Variants in GBP7 observed in about 807,000 individuals in gnomAD.
The protein encoded by GBP7 is guanylate binding protein 7.
In GBP7, 43 loss-of-function variants were observed where a neutral mutation model predicts 61.3. That is an observed-to-expected ratio of 0.70 (90% CI 0.55 to 0.91). The LOEUF is 0.91. Among genes scored for constraint, GBP7 ranks in the 40% least tolerant of loss-of-function variants. GBP7 has a pLI of 0.00. For missense variants in GBP7, 717 were observed against 740.5 expected, an observed-to-expected ratio of 0.97 and a Z score of 0.37; for synonymous variants, 267 against 271.0, an observed-to-expected ratio of 0.99 and a Z score of 0.14.
intron 2 of GBP7, among the ~76,000 whole-genome samples, chr1:89,168,312 C>T (rs984320709): frequency 3.3e-5 from 5 of 152,144 alleles, no homozygotes; most frequent in South Asian, 2.1e-4. Flanking sequence ...TTTTTAACCC[C>T]TTTGTGCTTT....
rs746238767 is a variant in GBP7, at chr1:89,132,213, C to G, written c.1853G>C (p.Gly618Ala). ...ACATAATGAGCTAAGAATTTTCATT[C>G]CTAAATCAACTAGCTTAGCAGCCCC... ...LPGAAKLVDL[G>A]MKILSSLCNR... Residue 618 changes from glycine to alanine, a missense_variant, in exon 11 of 11, where the codon GGA becomes GCA. Coordinates refer to ENST00000294671, the MANE Select transcript of GBP7 (RefSeq NM_207398.3). 9 of 1,613,252 alleles carry G rather than the reference C, an allele frequency of 5.6e-6. No individual in the cohort carries two copies. The highest frequency in any genetic ancestry group is 1.3e-5 in the African/African-American group (1 of 75,038).
intron 3 of GBP7, among the ~76,000 whole-genome samples, chr1:89,164,390 C>T (rs1268805939): frequency 5.9e-5 from 9 of 152,176 alleles, no homozygotes; most frequent in Admixed American, 5.2e-4. Flanking sequence ...ATGTTGTCTT[C>T]GCCACTAGGC....
At chr1:89,172,093 G>C (rs1647619342) in intron 1 of GBP7, 139 bp from the exon 2 acceptor site, 3 of 611,936 alleles carry the variant, frequency 4.9e-6, no homozygotes, top group South Asian at 4.4e-5. Context: ...GCCCTTTAAG[G>C]CTGTCCTATA....
rs1681683242 is a variant in GBP7, at chr1:89,131,812, A to T, written c.*337T>A. On this transcript the variant is annotated 3_prime_UTR_variant, in exon 11 of 11. Transcript: ENST00000294671. ...ATTATCATATTTTTGCCTGTTTAAA[A>T]TATGTGGCGTTACTCTCTTCTCACT... The T allele has an allele frequency of 5.9e-6, 1 of 170,164 alleles. No homozygotes were observed. Among genetic ancestry groups the T allele is most frequent in the African/African-American group, 2.4e-5 (1 of 42,142 alleles). 10.5% of individuals were successfully genotyped at this position (170,164 alleles called of 1,614,324 possible).
intron 3 of GBP7, among the ~76,000 whole-genome samples, chr1:89,162,126 G>C (rs1647292687): frequency 6.7e-6 from 1 of 150,006 alleles, no homozygotes; most frequent in Non-Finnish European, 1.5e-5. Context: ...CTGTTCCATT[G>C]GTCTATGTGT....
rs1297555536 is a variant in GBP7 at position 89,134,621 on chromosome 1, C to T, written c.1469-1170G>A. Among the ~76,000 whole-genome samples, 6 of 120,162 alleles carry T rather than the reference C, an allele frequency of 5.0e-5. No homozygotes were observed. The South Asian group carries it at 1.6e-3, about 32-fold the overall frequency. The allele number at this position is 120,162 out of a possible 152,430, so 78.8% of individuals were successfully genotyped here. A position where few individuals can be genotyped will look rare whatever the true frequency, so the allele number is the denominator to read the frequency against. On this transcript the variant is annotated intron_variant, in intron 9 of 10. Coordinates refer to ENST00000294671, the MANE Select transcript of GBP7 (RefSeq NM_207398.3). ...ATCATCCAGAAAAAAAAAAAAAAAA[C>T]CCAGTCAGATGAACCCAACTTATAC...
chr1:89,137,726 C>A (rs1018440713), intron 9 of GBP7, among the ~76,000 whole-genome samples: 2 of 152,046 alleles, frequency 1.3e-5, no homozygotes, highest in African/African-American at 2.4e-5. Flanking sequence ...AAACATTTCA[C>A]TTGAGAACCA....
intron 3 of GBP7, 121 bp downstream of exon 3, chr1:89,164,610 T>C (rs1647366794): frequency 9.9e-7 from 1 of 1,006,084 alleles, no homozygotes. Context: ...AAATTTAGCT[T>C]TGTTTCCCAT....
At position 89,137,750 on chromosome 1, in the gene GBP7, A is replaced by T. The variant is rs376480483; in HGVS notation, c.1468+3796T>A. ...ACTTGAGAACCAAAAACAGACAAGG[A>T]TGCCCACTCTCAACAACTCTTATTC... On this transcript the variant is annotated intron_variant, in intron 9 of 10. Coordinates refer to ENST00000294671, the MANE Select transcript of GBP7 (RefSeq NM_207398.3). Among the ~76,000 whole-genome samples, 56 of 152,252 alleles carry T rather than the reference A, an allele frequency of 3.7e-4. 6 individuals carry two copies. Among genetic ancestry groups the T allele is most frequent in the Admixed American group, 8.5e-4 (13 of 15,284 alleles).
intron 3 of GBP7, among the ~76,000 whole-genome samples, chr1:89,154,248 AATG>A (rs1340218504): frequency 6.6e-6 from 1 of 152,212 alleles, no homozygotes; most frequent in African/African-American, 2.4e-5. Flanking sequence ...TGTACACTGA[AATG>A]ATGATTGATA....
intron 2 of GBP7, among the ~76,000 whole-genome samples, chr1:89,168,697 G>T (rs1222546721): frequency 6.6e-6 from 1 of 152,064 alleles, no homozygotes; most frequent in Non-Finnish European, 1.5e-5. Flanking sequence ...CATTTTGGGA[G>T]GCCAAGGCGG....
chr1:89,160,857 C>T (rs955901182), intron 3 of GBP7, among the ~76,000 whole-genome samples: 11 of 151,864 alleles, frequency 7.2e-5, no homozygotes, highest in African/African-American at 2.7e-4. Context: ...CATGGGGGTT[C>T]GTTGCATATA....
In GBP7 at chr1:89,152,283, A is replaced by T. The variant is rs751079397; in HGVS notation, c.610T>A (p.Leu204Met). ...ITEDEYLENA[L>M]KLISGKNPQI... ...GCTCTGATACCTGAAATCAGCTTCA[A>T]GGCATTCTCCAGGTACTCATCTTCT... Residue 204 changes from leucine to methionine, a missense_variant, in exon 5 of 11, where the codon TTG becomes ATG. Around this residue, in one of 3 missense-constraint regions of GBP7, gnomAD observed 387 missense variants for 385.2 expected, o/e 1.00. Coordinates refer to ENST00000294671, the MANE Select transcript of GBP7 (RefSeq NM_207398.3). The T allele has an allele frequency of 6.2e-7, 1 of 1,613,958 alleles. No homozygotes were observed. The highest frequency in any genetic ancestry group is 2.2e-5 in the East Asian group (1 of 44,876).
chr1:89,137,811 G>A (rs1681841302), intron 9 of GBP7, among the ~76,000 whole-genome samples: 1 of 151,712 alleles, frequency 6.6e-6, no homozygotes, highest in African/African-American at 2.4e-5. Flanking sequence ...GAGAAATCAG[G>A]CAAAGGGGAA....
chr1:89,168,462 G>A (rs1239853720), intron 2 of GBP7, among the ~76,000 whole-genome samples: 4 of 152,098 alleles, frequency 2.6e-5, no homozygotes, highest in Non-Finnish European at 4.4e-5. Context: ...CACCCATGCT[G>A]ACTAGTTGAG....
intron 7 of GBP7, among the ~76,000 whole-genome samples, chr1:89,148,704 C>G (rs1380344375): frequency 6.6e-6 from 1 of 152,148 alleles, no homozygotes; most frequent in Admixed American, 6.5e-5. Flanking sequence ...TCAATCAACA[C>G]CTTGTTTTCA....
At chr1:89,155,893 G>A (rs1054522333) in intron 3 of GBP7, among the ~76,000 whole-genome samples, 1 of 152,120 alleles carries the variant, frequency 6.6e-6, no homozygotes, top group African/African-American at 2.4e-5. Context: ...GCAACTCCAA[G>A]ACACATAATT....
At chr1:89,134,522 A>G (rs1442506055) in intron 9 of GBP7, among the ~76,000 whole-genome samples, 4 of 151,752 alleles carry the variant, frequency 2.6e-5, no homozygotes, top group Non-Finnish European at 5.9e-5. Flanking sequence ...GAACAAAGCC[A>G]TGGGCCTGGT....
rs372100032 is a variant in GBP7 at position 89,175,641 on chromosome 1, A to G, written c.-20+280T>C. Reference sequence around the variant, plus strand: ...GAAAGTGACAGAGCCTATTAGGCAGATATTTAAAGATAACAGTAATTTAAG... The same window carrying G: ...GAAAGTGACAGAGCCTATTAGGCAGGTATTTAAAGATAACAGTAATTTAAG... On this transcript the variant is annotated intron_variant, in intron 1 of 10. Coordinates refer to ENST00000294671, the MANE Select transcript of GBP7 (RefSeq NM_207398.3). 2.5e-4 allele frequency among the ~76,000 whole-genome samples: 38 copies of G among 152,358 alleles called. 3 individuals are homozygous for G. The highest frequency in any genetic ancestry group is 7.2e-4 in the Admixed American group (11 of 15,306).
Sources: allele counts gnomAD v4.1 joint callset (sites outside exome capture counted in the v4.1 genomes callset), GRCh38; gene constraint gnomAD v4.1.1; regional missense constraint gnomAD v4.1.1; transcripts MANE v1.5; gene names NCBI Gene and HGNC (gene_info 2026-07-23, HGNC 2026-07-21).